Variants in SPOCK3 observed in about 807,000 individuals in gnomAD.
SPOCK3 encodes the protein testican-3.
In SPOCK3, 30 loss-of-function variants were observed where a neutral mutation model predicts 56.6. The ratio of observed to expected loss-of-function variants is 0.53; its 90% CI spans 0.40 to 0.72. The LOEUF (loss-of-function observed/expected upper bound fraction) is 0.72. SPOCK3 is among the 30% of genes least tolerant of loss of function. The pLI, the probability that SPOCK3 is intolerant of heterozygous loss-of-function variation, is 0.00. For missense variants in SPOCK3, 527 were observed against 530.0 expected, an observed-to-expected ratio of 0.99 and a Z score of 0.06; for synonymous variants, 196 against 183.3, an observed-to-expected ratio of 1.07 and a Z score of -0.56.
In SPOCK3 at chr4:167,139,050, A is replaced by T. The variant is rs1432684353; in HGVS notation, c.190-76513T>A. 2.6e-5 allele frequency among the ~76,000 whole-genome samples: 4 copies of T among 152,118 alleles called. No individual in the cohort carries two copies. The East Asian group carries it at 7.7e-4, about 29-fold the overall frequency. On this transcript the variant is annotated intron_variant, in intron 2 of 10. Coordinates refer to ENST00000357545, the MANE Select transcript of SPOCK3 (RefSeq NM_001040159.2). ...ATGAAAAATTTCACTTAATAGGATC[A>T]ATTTGACAAGACCTTATTACTAGGT...
intron 7 of SPOCK3, among the ~76,000 whole-genome samples, chr4:166,767,522 G>T (rs1039149011): frequency 1.3e-5 from 2 of 152,156 alleles, no homozygotes; most frequent in African/African-American, 4.8e-5. Context: ...TTAATCCTGA[G>T]TTCTAATTTG....
At chr4:166,743,670 GA>G (rs1735172364) in intron 8 of SPOCK3, among the ~76,000 whole-genome samples, 1 of 152,226 alleles carries the variant, frequency 6.6e-6, no homozygotes, top group Non-Finnish European at 1.5e-5. Flanking sequence ...CCTCACCTGG[GA>G]AGTGCAATGG....
intron 8 of SPOCK3, among the ~76,000 whole-genome samples, chr4:166,742,550 C>T (rs11929824): frequency 0.46 from 69,791 of 151,916 alleles, 16,547 homozygotes; most frequent in African/African-American, 0.51. Flanking sequence ...CTTTGTGTTA[C>T]AAAAGTAATC....
chr4:167,043,557 A>G (rs571680953), intron 3 of SPOCK3, among the ~76,000 whole-genome samples: 4 of 152,054 alleles, frequency 2.6e-5, no homozygotes, highest in Admixed American at 6.6e-5. Context: ...ATTAGGTATG[A>G]TGGTAGCTAC....
At chr4:166,930,143 T>C (rs1455209808) in intron 4 of SPOCK3, among the ~76,000 whole-genome samples, 1 of 152,074 alleles carries the variant, frequency 6.6e-6, no homozygotes, top group Non-Finnish European at 1.5e-5. Flanking sequence ...ACTGACTTTG[T>C]TTATAAAAAA....
chr4:167,083,054 C>A (rs1276975392), intron 2 of SPOCK3, among the ~76,000 whole-genome samples: 2 of 152,078 alleles, frequency 1.3e-5, no homozygotes, highest in Non-Finnish European at 2.9e-5. Flanking sequence ...TCATTTCAGA[C>A]AACGTCGTTG....
intron 2 of SPOCK3, among the ~76,000 whole-genome samples, chr4:167,067,777 C>T (rs1248016483): frequency 2.6e-5 from 4 of 151,748 alleles, no homozygotes; most frequent in Non-Finnish European, 5.9e-5. Flanking sequence ...AAAGTAATAG[C>T]ATCAATGCTA....
chr4:167,011,319 T>C (rs1202859081), intron 3 of SPOCK3: 1 of 455,968 alleles, frequency 2.2e-6, no homozygotes, highest in Admixed American at 2.3e-5. Flanking sequence ...ATGTCATCAG[T>C]TGATTCAGGG....
intron 2 of SPOCK3, chr4:167,102,433 A>G (rs148034741): frequency 2.9e-4 from 44 of 152,328 alleles, no homozygotes; most frequent in African/African-American, 7.7e-4. Context: ...GAGCAATCAC[A>G]TTACCTGGTT....
chr4:166,819,725 C>T (rs750400194), intron 6 of SPOCK3, among the ~76,000 whole-genome samples: 8 of 151,440 alleles, frequency 5.3e-5, no homozygotes, highest in Non-Finnish European at 7.4e-5. Context: ...TTGAGAGATA[C>T]CACATTCATG....
At chr4:166,837,517 G>A (rs1445317959) in intron 6 of SPOCK3, among the ~76,000 whole-genome samples, 1 of 151,988 alleles carries the variant, frequency 6.6e-6, no homozygotes, top group African/African-American at 2.4e-5. Context: ...TATATACAAA[G>A]CATCAATAGA....
intron 4 of SPOCK3, among the ~76,000 whole-genome samples, chr4:166,991,623 G>A (rs1747801364): frequency 6.6e-6 from 1 of 152,054 alleles, no homozygotes; most frequent in Non-Finnish European, 1.5e-5. Flanking sequence ...GCCCACCTCA[G>A]CCTCCCAAAG....
chr4:166,935,199 C>T (rs531345012), intron 4 of SPOCK3, among the ~76,000 whole-genome samples: 25 of 152,124 alleles, frequency 1.6e-4, no homozygotes, highest in Non-Finnish European at 3.7e-4. Context: ...CAGGCCCTGA[C>T]TGTTCCTTAT....
At chr4:167,225,197 AAATGAACT>A (rs1471131490) in intron 2 of SPOCK3, among the ~76,000 whole-genome samples, 1 of 152,170 alleles carries the variant, frequency 6.6e-6, no homozygotes, top group African/African-American at 2.4e-5. Flanking sequence ...TAAAACCAAT[AAATGAACT>A]AATGAAATAT....
chr4:167,152,627 A>T (rs763625698), intron 2 of SPOCK3, among the ~76,000 whole-genome samples: 6 of 152,308 alleles, frequency 3.9e-5, no homozygotes, highest in African/African-American at 9.6e-5. Flanking sequence ...ATCACTGTGC[A>T]CTTAAATAGA....
At chr4:166,879,829 C>A (rs756250307) in intron 6 of SPOCK3, among the ~76,000 whole-genome samples, 1 of 152,054 alleles carries the variant, frequency 6.6e-6, no homozygotes, top group Non-Finnish European at 1.5e-5. Context: ...ATCATGGGGG[C>A]AGTTTTCCCC....
chr4:166,997,770 G>A (rs1358544233), intron 4 of SPOCK3, among the ~76,000 whole-genome samples: 1 of 152,184 alleles, frequency 6.6e-6, no homozygotes, highest in Non-Finnish European at 1.5e-5. Flanking sequence ...GTATTGGGAA[G>A]AGGAGACTGG....
chr4:166,826,685 T>G (rs934888362), intron 6 of SPOCK3, among the ~76,000 whole-genome samples: 1 of 152,150 alleles, frequency 6.6e-6, no homozygotes, highest in African/African-American at 2.4e-5. Context: ...CCTTGGATTA[T>G]GTGGGAATGC....
intron 2 of SPOCK3, among the ~76,000 whole-genome samples, chr4:167,222,484 A>C (rs1051248179): frequency 7.5e-6 from 1 of 133,734 alleles, no homozygotes; most frequent in Non-Finnish European, 1.6e-5. Flanking sequence ...ATATAAACAT[A>C]TATATTACAT....
Sources: gnomAD v4.1 joint callset for allele counts (sites outside exome capture counted in the v4.1 genomes callset) on GRCh38, gnomAD v4.1.1 for gene constraint, MANE v1.5 for transcripts, NCBI Gene and HGNC (gene_info 2026-07-23, HGNC 2026-07-21) for gene names.